The following LDAH variants were observed in gnomAD, a reference collection of about 807,000 sequenced individuals.
The protein encoded by LDAH is lipid droplet-associated hydrolase.
Under a neutral mutation model 29.6 loss-of-function variants are expected in LDAH, and 26 were observed. The observed-to-expected ratio is 0.88, with a 90% CI of 0.64 to 1.22. The LOEUF (loss-of-function observed/expected upper bound fraction) is 1.22, where lower values mean the gene tolerates loss of function less well. Among genes scored for constraint, LDAH ranks in the 50% most tolerant of loss-of-function variants. The pLI is 0.00. For synonymous variants in LDAH, 117 were observed against 133.0 expected (o/e 0.88, Z 0.83); for missense variants, 344 against 387.3 (o/e 0.89, Z 0.94).
At chr2:20,766,917 T>C (rs1669080579) in intron 4 of LDAH, among the ~76,000 whole-genome samples, 1 of 152,216 alleles carries the variant, frequency 6.6e-6, no homozygotes, top group African/African-American at 2.4e-5. Context: ...GAGGGGGCTC[T>C]GCGCAGGGCC....
chr2:20,722,230 C>T (rs1251400945), intron 5 of LDAH, among the ~76,000 whole-genome samples: 11 of 151,828 alleles, frequency 7.2e-5, no homozygotes, highest in Admixed American at 7.2e-4. Context: ...AAAAATTAGC[C>T]GAGCGTGGTG....
chr2:20,696,287 C>T (rs1284208916), intron 6 of LDAH, among the ~76,000 whole-genome samples: 1 of 152,208 alleles, frequency 6.6e-6, no homozygotes, highest in East Asian at 1.9e-4. Context: ...AAAGGCAACA[C>T]ACACCTTTGG....
chr2:20,783,739 T>C (rs1411630077), intron 3 of LDAH, among the ~76,000 whole-genome samples: 6 of 152,234 alleles, frequency 3.9e-5, no homozygotes, highest in African/African-American at 1.4e-4. Context: ...AAAGACAAGA[T>C]CTCACTCTGT....
intron 3 of LDAH, among the ~76,000 whole-genome samples, chr2:20,779,840 T>C (rs928478218): frequency 2.0e-5 from 3 of 152,204 alleles, no homozygotes; most frequent in African/African-American, 7.2e-5. Flanking sequence ...TTCCTAGATA[T>C]CTTACACCTA....
intron 5 of LDAH, among the ~76,000 whole-genome samples, chr2:20,719,287 C>G (rs1336642888): frequency 7.2e-6 from 1 of 138,812 alleles, no homozygotes; most frequent in Non-Finnish European, 1.6e-5. Context: ...TAGGTAAAAT[C>G]AGAGACAAAA....
chr2:20,815,298 A>T (rs1672773894), intron 1 of LDAH, among the ~76,000 whole-genome samples: 1 of 152,114 alleles, frequency 6.6e-6, no homozygotes, highest in Non-Finnish European at 1.5e-5. Context: ...TTGTAGGACA[A>T]TAACAAATGA....
Position 20,772,673 on chromosome 2 carries a change from G to T in LDAH, c.468+2137C>A, listed in dbSNP as rs529228792. Reference sequence around the variant, plus strand: ...TGATGGGATGTCACTTTGTAACTGGGTTACAGCCTGTGATTTTCATCTGCT... The same window carrying T: ...TGATGGGATGTCACTTTGTAACTGGTTTACAGCCTGTGATTTTCATCTGCT... On this transcript the variant is annotated intron_variant, in intron 4 of 6. Coordinates refer to ENST00000237822, the MANE Select transcript of LDAH (RefSeq NM_021925.4). 1.1e-4 allele frequency among the ~76,000 whole-genome samples: 17 copies of T among 152,284 alleles called. No homozygotes were observed. The South Asian group carries it at 3.3e-3, about 30-fold the overall frequency.
At chr2:20,798,305 A>C (rs1671442354) in intron 2 of LDAH, among the ~76,000 whole-genome samples, 1 of 152,172 alleles carries the variant, frequency 6.6e-6, no homozygotes, top group African/African-American at 2.4e-5. Context: ...CAGGATGGCA[A>C]CTGTGCAGCA....
At position 20,701,647 on chromosome 2, in the gene LDAH, C is replaced by T; in HGVS notation, c.709G>A (p.Ala237Thr). 9 of 1,612,834 alleles carry T rather than the reference C, an allele frequency of 5.6e-6. No homozygotes were observed. Among genetic ancestry groups the T allele is most frequent in the Non-Finnish European group, 7.6e-6 (9 of 1,179,044 alleles). The change falls in exon 6 of 7, where the codon GCT becomes ACT. Residue 237 changes from alanine to threonine, a missense_variant. Transcript: ENST00000237822. ...ATTTCTTGGCCCCCAAGGTAGGCAG[C>T]ATTAGCTACATTTAAAAAATAAAAA... ...NILEPFCLAN[A>T]AYLGGQEMME...
In LDAH at chr2:20,765,049, A is replaced by G. The variant is rs72784367; in HGVS notation, c.468+9761T>C. On this transcript the variant is annotated intron_variant, in intron 4 of 6. Coordinates refer to ENST00000237822, the MANE Select transcript of LDAH (RefSeq NM_021925.4). The stretch of plus-strand genomic sequence containing the variant: ...GGAAAAGGAGAACCAAATATGTAAT[A>G]TATGTTCCCCCTACACCCCAGGGAA... Among the ~76,000 whole-genome samples, 1,041 of 152,352 alleles carry G rather than the reference A, an allele frequency of 6.8e-3. 5 individuals are homozygous for G. The highest frequency in any genetic ancestry group is 0.012 in the Non-Finnish European group (785 of 68,024).
intron 5 of LDAH, among the ~76,000 whole-genome samples, chr2:20,724,516 C>T (rs531109517): frequency 2.6e-5 from 4 of 152,180 alleles, no homozygotes; most frequent in South Asian, 4.1e-4. Context: ...CTTTGGAAAG[C>T]GGGGTGGGGA....
chr2:20,701,532 A>G (rs768389708), intron 6 of LDAH, 38 bp downstream of exon 6: 10 of 1,539,036 alleles, frequency 6.5e-6, no homozygotes, highest in Middle Eastern at 1.7e-4. Context: ...CTGCCCATCT[A>G]CTTATTATCT....
At chr2:20,768,383 G>A (rs570034831) in intron 4 of LDAH, among the ~76,000 whole-genome samples, 163 of 152,276 alleles carry the variant, frequency 1.1e-3, no homozygotes, top group African/African-American at 3.7e-3. Flanking sequence ...GGTGCCAGCT[G>A]GGGAAGCTGC....
chr2:20,821,814 ATTAAG>A (rs950786975), intron 1 of LDAH, among the ~76,000 whole-genome samples: 9 of 152,330 alleles, frequency 5.9e-5, no homozygotes, highest in Admixed American at 3.3e-4. Flanking sequence ...GTCTGAAGGC[ATTAAG>A]TTATCAAAAA....
intron 2 of LDAH, 132 bp downstream of exon 2, chr2:20,801,178 G>GTT: frequency 1.1e-6 from 1 of 886,590 alleles, no homozygotes. Context: ...AAGGGTGGTT[G>GTT]TTAACAATGG....
At chr2:20,766,854 C>T (rs1358140742) in intron 4 of LDAH, among the ~76,000 whole-genome samples, 1 of 152,192 alleles carries the variant, frequency 6.6e-6, no homozygotes, top group Non-Finnish European at 1.5e-5. Context: ...AGGCAGCTGA[C>T]TGTGACGCCT....
In LDAH at chr2:20,811,019, C is replaced by CT. The variant is rs1205753675; in HGVS notation, c.-2-9555dup. Among the ~76,000 whole-genome samples the CT allele has an allele frequency of 6.7e-3, 930 of 138,856 alleles. 5 individuals are homozygous for CT. Among genetic ancestry groups the CT allele is most frequent in the South Asian group, 0.015 (64 of 4,402 alleles). 91.1% of individuals were successfully genotyped at this position (138,856 alleles called of 152,430 possible). ...TGGTGCCAAAAAGGTATTCGACCTT[C>CT]TTTTTTTTTTTTTTTTGAGACGGAG... On this transcript the variant is annotated intron_variant, in intron 1 of 6. Transcript: ENST00000237822.
intron 4 of LDAH, among the ~76,000 whole-genome samples, chr2:20,774,326 A>T (rs1260216913): frequency 6.6e-6 from 1 of 152,186 alleles, no homozygotes; most frequent in Non-Finnish European, 1.5e-5. Context: ...CTGCCAAGAT[A>T]CAGAATAGGT....
At chr2:20,765,947 T>C (rs1024227566) in intron 4 of LDAH, among the ~76,000 whole-genome samples, 1 of 152,196 alleles carries the variant, frequency 6.6e-6, no homozygotes, top group Non-Finnish European at 1.5e-5. Context: ...GTTTCATTTC[T>C]TGAGAGGAAT....
Sources: gnomAD v4.1 joint callset for allele counts (sites outside exome capture counted in the v4.1 genomes callset) on GRCh38, gnomAD v4.1.1 for gene constraint, MANE v1.5 for transcripts, NCBI Gene and HGNC (gene_info 2026-07-23, HGNC 2026-07-21) for gene names.